Variants in CDKAL1 observed in about 807,000 individuals in gnomAD.
The protein encoded by CDKAL1 is threonylcarbamoyladenosine tRNA methylthiotransferase.
In CDKAL1, 32 loss-of-function variants were observed where a neutral mutation model predicts 68.2. The ratio of observed to expected loss-of-function variants is 0.47; its 90% CI spans 0.35 to 0.63. The LOEUF (loss-of-function observed/expected upper bound fraction) is 0.63. CDKAL1 is among the 30% of genes least tolerant of loss of function. The pLI is 0.00. For missense variants in CDKAL1, 606 were observed against 696.7 expected (o/e 0.87, Z 1.47); for synonymous variants, 234 against 244.3 (o/e 0.96, Z 0.39).
chr6:20,675,902 CT>C (rs764387757), intron 5 of CDKAL1, among the ~76,000 whole-genome samples: 58 of 152,226 alleles, frequency 3.8e-4, no homozygotes, highest in Admixed American at 5.9e-4. Context: ...ATTATTGCCC[CT>C]GAAAGTCTTC....
chr6:20,610,592 A>G (rs1401812895), intron 4 of CDKAL1, among the ~76,000 whole-genome samples: 1 of 151,806 alleles, frequency 6.6e-6, no homozygotes, highest in African/African-American at 2.4e-5. Context: ...CAAACTTACC[A>G]TAGGACCAAT....
rs1233404265 is a variant in CDKAL1, at chr6:20,902,542, C to T, written c.743-52877C>T. On this transcript the variant is annotated intron_variant, in intron 9 of 15. Transcript: ENST00000274695. Reference sequence around the variant, plus strand: ...GTTTGAACATGTTATTTTGAAATGCCTGTGAGATATCAAAGGGGAATTCCC... The same window carrying T: ...GTTTGAACATGTTATTTTGAAATGCTTGTGAGATATCAAAGGGGAATTCCC... 2.6e-5 allele frequency among the ~76,000 whole-genome samples: 4 copies of T among 151,972 alleles called. No homozygotes were observed. In the East Asian group the frequency reaches 7.7e-4, roughly 29 times the overall value.
intron 11 of CDKAL1, among the ~76,000 whole-genome samples, chr6:21,047,826 G>A (rs966992530): frequency 1.3e-5 from 2 of 152,190 alleles, no homozygotes; most frequent in Admixed American, 6.5e-5. Flanking sequence ...GTGGCCCAGG[G>A]AATATCAGTA....
In CDKAL1 at chr6:21,005,330, A is replaced by G. The variant is rs187334209; in HGVS notation, c.1055+4958A>G. 3.1e-3 allele frequency among the ~76,000 whole-genome samples: 468 copies of G among 152,336 alleles called. 4 individuals are homozygous for G. Among genetic ancestry groups the G allele is most frequent in the African/African-American group, 9.7e-3 (404 of 41,560 alleles). ...ATGACAACATGCGCAGTTCTTAAGC[A>G]TATGTTTTAATGCTAAGTAAAAGAA... On this transcript the variant is annotated intron_variant, in intron 11 of 15. Coordinates refer to ENST00000274695, the MANE Select transcript of CDKAL1 (RefSeq NM_017774.3).
chr6:20,857,215 A>G (rs1046596538), intron 9 of CDKAL1, among the ~76,000 whole-genome samples: 1 of 152,196 alleles, frequency 6.6e-6, no homozygotes, highest in African/African-American at 2.4e-5. Context: ...AGTTTGATTT[A>G]GATTGCTGAC....
At chr6:21,006,306 G>GA (rs1032599009) in intron 11 of CDKAL1, among the ~76,000 whole-genome samples, 8 of 149,996 alleles carry the variant, frequency 5.3e-5, no homozygotes, top group Non-Finnish European at 8.9e-5. Context: ...AAATGCAAAA[G>GA]AAAAAAAAAG....
intron 5 of CDKAL1, among the ~76,000 whole-genome samples, chr6:20,657,897 A>G (rs755543714): frequency 5.3e-5 from 8 of 152,162 alleles, no homozygotes; most frequent in Non-Finnish European, 8.8e-5. Flanking sequence ...CTGTGTTATG[A>G]TGGCAGCCTG....
chr6:20,744,122 A>T (rs1352939329), intron 6 of CDKAL1, among the ~76,000 whole-genome samples: 2 of 152,160 alleles, frequency 1.3e-5, no homozygotes, highest in Admixed American at 1.3e-4. Flanking sequence ...ATGCAATGCC[A>T]TTTTTATTAC....
chr6:20,703,702 C>T (rs1474772937), intron 5 of CDKAL1, among the ~76,000 whole-genome samples: 2 of 151,822 alleles, frequency 1.3e-5, no homozygotes, highest in Non-Finnish European at 2.9e-5. Context: ...GAAAATATGA[C>T]ATAAATAGTA....
intron 6 of CDKAL1, among the ~76,000 whole-genome samples, chr6:20,751,888 T>C (rs1424624143): frequency 6.6e-6 from 1 of 152,206 alleles, no homozygotes; most frequent in East Asian, 1.9e-4. Context: ...CTCTTGTGTA[T>C]TCAGAGCCTC....
At chr6:20,756,773 G>A (rs1774190364) in intron 6 of CDKAL1, 1 of 151,754 alleles carries the variant, frequency 6.6e-6, no homozygotes, top group Non-Finnish European at 1.5e-5. Flanking sequence ...AAGATACTGA[G>A]ACCAAAGGAA....
At chr6:21,120,370 A>G (rs1433336297) in intron 13 of CDKAL1, among the ~76,000 whole-genome samples, 3 of 152,334 alleles carry the variant, frequency 2.0e-5, no homozygotes, top group Admixed American at 1.3e-4. Flanking sequence ...TTTAATTCCC[A>G]GTTTTGTGCT....
intron 6 of CDKAL1, among the ~76,000 whole-genome samples, chr6:20,740,336 C>T (rs1773394006): frequency 6.6e-6 from 1 of 151,762 alleles, no homozygotes; most frequent in Non-Finnish European, 1.5e-5. Flanking sequence ...TTTTGGGGGG[C>T]GTGGGCAGTC....
chr6:21,119,158 C>T (rs1403179462), intron 13 of CDKAL1, among the ~76,000 whole-genome samples: 1 of 152,082 alleles, frequency 6.6e-6, no homozygotes, highest in Non-Finnish European at 1.5e-5. Flanking sequence ...CTCTTTCTTC[C>T]TGTTGAGAAC....
intron 10 of CDKAL1, among the ~76,000 whole-genome samples, chr6:20,988,596 G>A (rs1430439908): frequency 1.3e-5 from 2 of 152,018 alleles, no homozygotes; most frequent in Admixed American, 6.6e-5. Flanking sequence ...CTTAGACCAT[G>A]GAGTTAGGGG....
chr6:20,870,283 C>A (rs916828473), intron 9 of CDKAL1, among the ~76,000 whole-genome samples: 4 of 152,190 alleles, frequency 2.6e-5, no homozygotes, highest in Non-Finnish European at 1.5e-5. Flanking sequence ...CCAGATACTG[C>A]AGGCTTCATG....
intron 4 of CDKAL1, among the ~76,000 whole-genome samples, chr6:20,629,811 G>T (rs1259885794): frequency 6.6e-6 from 1 of 151,710 alleles, no homozygotes; most frequent in Non-Finnish European, 1.5e-5. Context: ...GAGACCCTGT[G>T]CTGGGCTGCC....
At chr6:20,781,360 C>A in intron 8 of CDKAL1, 95 bp downstream of exon 8, 3 of 1,123,406 alleles carry the variant, frequency 2.7e-6, no homozygotes, top group Non-Finnish European at 3.7e-6. Context: ...AGTAGCTGAA[C>A]ATTTTCTTGG....
intron 13 of CDKAL1, among the ~76,000 whole-genome samples, chr6:21,171,167 C>T (rs771799840): frequency 6.6e-6 from 1 of 151,912 alleles, no homozygotes; most frequent in Non-Finnish European, 1.5e-5. Context: ...TCCTTTAGAC[C>T]TTGGGTATTT....
Sources: allele counts gnomAD v4.1 joint callset (sites outside exome capture counted in the v4.1 genomes callset), GRCh38; gene constraint gnomAD v4.1.1; transcripts MANE v1.5; gene names NCBI Gene and HGNC (gene_info 2026-07-23, HGNC 2026-07-21).